ARID1A: variants seen among roughly 807,000 people sequenced by gnomAD.
ARID1A encodes the protein AT-rich interactive domain-containing protein 1A.
A neutral mutation model predicts 212.6 loss-of-function variants in ARID1A; 20 were observed. The observed-to-expected ratio is 0.09, with a 90% confidence interval of 0.07 to 0.14. The LOEUF (loss-of-function observed/expected upper bound fraction) is 0.14, where lower values mean the gene tolerates loss of function less well. Among genes scored for constraint, ARID1A ranks in the 10% least tolerant of loss-of-function variants. The probability of loss-of-function intolerance (pLI) is 1.00; values close to 1 mark genes in which losing one functional copy is unlikely to be tolerated. For synonymous variants in ARID1A, 1,376 were observed against 1,222.1 expected, an observed-to-expected ratio of 1.13 and a Z score of -2.63; for missense variants, 2,587 against 3,059.0, an observed-to-expected ratio of 0.85 and a Z score of 3.64.
chr1:26,763,405 T>C, intron 8 of ARID1A, 120 bp downstream of exon 8: 1 of 1,183,966 alleles, frequency 8.4e-7, no homozygotes, highest in South Asian at 1.6e-5. Context: ...GTGTATGAAG[T>C]GTTAATTCTT....
chr1:26,715,594 G>A (rs548308097), intron 1 of ARID1A, among the ~76,000 whole-genome samples: 1 of 152,288 alleles, frequency 6.6e-6, no homozygotes, highest in South Asian at 2.1e-4. Context: ...GTGTCTTTGC[G>A]TACCATCAGG....
rs575696069 is a variant in ARID1A at position 26,722,974 on chromosome 1, C to T, written c.1138-6677C>T. Among the ~76,000 whole-genome samples, 4 of 152,148 alleles carry T rather than the reference C, an allele frequency of 2.6e-5. No homozygotes were observed. The East Asian group carries it at 5.8e-4, about 22-fold the overall frequency. On this transcript the variant is annotated intron_variant, in intron 1 of 19. Transcript: ENST00000324856. ...AAGGTAGTCTCCTTATTTTAGGAGG[C>T]GGGGTCTAGGAGTAAAACTAAGACA...
chr1:26,730,507 A>G (rs1406627633), intron 2 of ARID1A, among the ~76,000 whole-genome samples: 2 of 152,204 alleles, frequency 1.3e-5, no homozygotes. Flanking sequence ...TACTTCTAAG[A>G]CTTTAAAGCA....
At chr1:26,761,574 C>T (rs1315840989) in intron 6 of ARID1A, 101 bp downstream of exon 6, 1 of 1,106,802 alleles carries the variant, frequency 9.0e-7, no homozygotes, top group Non-Finnish European at 1.3e-6. Context: ...AAGCTTAGGA[C>T]AATCCCTGCA....
In ARID1A at chr1:26,771,046, A is replaced by ATGGGGCT; in HGVS notation, c.3199-64_3199-58dup. On this transcript the variant is annotated intron_variant, in intron 11 of 19. Coordinates refer to ENST00000324856, the MANE Select transcript of ARID1A (RefSeq NM_006015.6). This position sits in a 1 kb window ranked among gnomAD's most constrained non-coding sequence, Gnocchi z 5.4. ...ACAAAGATGAATACCTTACAGCCTG[A>ATGGGGCT]TGGGGCTTGGGGCTTATGGGCAGGA... is the stretch of plus-strand genomic sequence containing the variant. 7.3e-6 allele frequency: 10 copies of ATGGGGCT among 1,377,960 alleles called. No individual in the cohort carries two copies. The highest frequency in any genetic ancestry group is 1.0e-5 in the Non-Finnish European group (10 of 969,524). 85.4% of individuals were successfully genotyped at this position (1,377,960 alleles called of 1,614,324 possible).
chr1:26,738,324 A>G (rs559420995), intron 4 of ARID1A, among the ~76,000 whole-genome samples: 34 of 151,836 alleles, frequency 2.2e-4, no homozygotes, highest in East Asian at 7.8e-4. Flanking sequence ...TGCCCAGCCT[A>G]TAGTAAATTC....
chr1:26,748,853 T>C (rs2080860426), intron 4 of ARID1A, among the ~76,000 whole-genome samples: 1 of 151,946 alleles, frequency 6.6e-6, no homozygotes, highest in Non-Finnish European at 1.5e-5. Context: ...TCATCATCTT[T>C]TTTTTTATTT....
chr1:26,743,563 C>T (rs762581640), intron 4 of ARID1A, among the ~76,000 whole-genome samples: 6 of 151,900 alleles, frequency 3.9e-5, no homozygotes, highest in East Asian at 1.9e-4. Context: ...TGGCTGGGCA[C>T]GGTGGCTCAC....
chr1:26,780,221 C>T lies in ARID1A; in HGVS notation c.6323C>T (p.Pro2108Leu), dbSNP rs2124147937. Residue 2108 changes from proline to leucine, a missense_variant, in exon 20 of 20, where the codon CCC becomes CTC. By Grantham distance (98) the Pro-to-Leu change is moderately conservative. Coordinates refer to ENST00000324856, the MANE Select transcript of ARID1A (RefSeq NM_006015.6). This position sits in a 1 kb window ranked among gnomAD's most constrained non-coding sequence, Gnocchi z 7.2. The part of the protein sequence containing the change: ...EAQDPFSTLG[P>L]NAVLSPQRLV... ...CAGGACCCCTTTTCCACCCTGGGCC[C>T]CAATGCCGTCCTTTCCCCGCAGAGA... 1 of 1,614,152 alleles carries T rather than the reference C, an allele frequency of 6.2e-7. No individual in the cohort carries two copies. Among genetic ancestry groups the T allele is most frequent in the Non-Finnish European group, 8.5e-7 (1 of 1,180,036 alleles).
rs1356414494 is a variant in ARID1A, at chr1:26,779,805, C to T, written c.5907C>T (p.Thr1969=). Residue 1969 remains threonine, a synonymous_variant, in exon 20 of 20, where the codon ACC becomes ACT. Coordinates refer to ENST00000324856, the MANE Select transcript of ARID1A (RefSeq NM_006015.6). ...PHSKDETPLC[T]LLDWQDSLAK... is the part of the protein sequence containing the mutation. Reference sequence around the variant, plus strand: ...GTAAGGATGAGACCCCACTGTGTACCCTTCTGGACTGGCAGGATTCTCTTG... The same window carrying T: ...GTAAGGATGAGACCCCACTGTGTACTCTTCTGGACTGGCAGGATTCTCTTG... 4 of 1,613,922 alleles carry T rather than the reference C, an allele frequency of 2.5e-6. No homozygotes were observed. The highest frequency in any genetic ancestry group is 2.2e-5 in the East Asian group (1 of 44,896).
chr1:26,710,494 T>TACACACACACACACAC (rs61663540), intron 1 of ARID1A, among the ~76,000 whole-genome samples: 8,782 of 131,354 alleles, frequency 0.067, 374 homozygotes, highest in African/African-American at 0.084. Flanking sequence ...AAATAATACA[T>TACACACACACACACAC]ACACACACAC....
At chr1:26,767,649 A>G (rs1425519074) in intron 10 of ARID1A, 141 bp from the exon 11 acceptor site, 5 of 876,646 alleles carry the variant, frequency 5.7e-6, no homozygotes, top group South Asian at 1.8e-5. Context: ...TGGCCCTTCA[A>G]CCTTATGAAG....
chr1:26,778,160 C>T (rs2081154590), intron 19 of ARID1A: 2 of 151,350 alleles, frequency 1.3e-5, no homozygotes, highest in African/African-American at 4.9e-5. Context: ...ACTTGGGAGG[C>T]TAAGGCAGGA....
chr1:26,720,283 G>T (rs995159939), intron 1 of ARID1A, among the ~76,000 whole-genome samples: 2 of 151,216 alleles, frequency 1.3e-5, no homozygotes, highest in Non-Finnish European at 2.9e-5. Flanking sequence ...TTCCAGATTG[G>T]CCAACATGAT....
intron 1 of ARID1A, chr1:26,729,063 T>A (rs978225890): frequency 6.5e-6 from 1 of 153,358 alleles, no homozygotes; most frequent in Non-Finnish European, 1.5e-5. Context: ...AACTCTTGAA[T>A]ATTAAAGGAA....
At chr1:26,712,880 A>T (rs1191667120) in intron 1 of ARID1A, among the ~76,000 whole-genome samples, 1 of 152,242 alleles carries the variant, frequency 6.6e-6, no homozygotes, top group Non-Finnish European at 1.5e-5. Context: ...GATAAATATT[A>T]ACAGTTTGAA....
chr1:26,724,176 A>G (rs1415610487), intron 1 of ARID1A, among the ~76,000 whole-genome samples: 3 of 152,176 alleles, frequency 2.0e-5, no homozygotes, highest in African/African-American at 7.2e-5. Flanking sequence ...CCAAAAGCCA[A>G]GGTTATAGCT....
chr1:26,780,820 G>C lies in ARID1A; in HGVS notation c.*64G>C. ...TGTGTGGAGAACTTAGAAACTGACTGTTGCCCTTTATTTATGCAAAACCAC... is the reference window on the plus strand; with the variant it reads ...TGTGTGGAGAACTTAGAAACTGACTCTTGCCCTTTATTTATGCAAAACCAC... On this transcript the variant is annotated 3_prime_UTR_variant, in exon 20 of 20. Coordinates refer to ENST00000324856, the MANE Select transcript of ARID1A (RefSeq NM_006015.6). This position sits in a 1 kb window ranked among gnomAD's most constrained non-coding sequence, Gnocchi z 7.2. 1 of 1,505,316 alleles carries C rather than the reference G, an allele frequency of 6.6e-7. No homozygotes were observed. Among genetic ancestry groups the C allele is most frequent in the Non-Finnish European group, 8.9e-7 (1 of 1,129,406 alleles). The allele number at this position is 1,505,316 out of a possible 1,614,324, so 93.2% of individuals were successfully genotyped here.
At chr1:26,725,601 A>G (rs2080608949) in intron 1 of ARID1A, among the ~76,000 whole-genome samples, 1 of 152,232 alleles carries the variant, frequency 6.6e-6, no homozygotes, top group Non-Finnish European at 1.5e-5. Flanking sequence ...CCAGAAAAAG[A>G]AAGCATATTA....
Sources: allele counts gnomAD v4.1 joint callset (sites outside exome capture counted in the v4.1 genomes callset), GRCh38; gene constraint gnomAD v4.1.1; non-coding constraint Gnocchi (gnomAD v3.1); transcripts MANE v1.5; gene names NCBI Gene and HGNC (gene_info 2026-07-23, HGNC 2026-07-21).